The following NINL variants were observed in gnomAD, a reference collection of about 807,000 sequenced individuals.
NINL encodes the protein ninein-like protein.
A neutral mutation model predicts 160.3 loss-of-function variants in NINL; 153 were observed. The observed-to-expected ratio is 0.95, with a 90% CI of 0.84 to 1.09. The LOEUF (loss-of-function observed/expected upper bound fraction) is 1.09, where lower values mean the gene tolerates loss of function less well. Ranked by LOEUF, NINL falls within the 50% of genes least tolerant of loss-of-function variation. The pLI, the probability that NINL is intolerant of heterozygous loss-of-function variation, is 0.00. For synonymous variants in NINL, 800 were observed against 734.8 expected (o/e 1.09, Z -1.43); for missense variants, 1,829 against 1,764.0 (o/e 1.04, Z -0.66).
intron 23 of NINL, among the ~76,000 whole-genome samples, chr20:25,455,308 G>A (rs2090640009): frequency 6.6e-6 from 1 of 152,174 alleles, no homozygotes; most frequent in Non-Finnish European, 1.5e-5. Context: ...GGTCATGTAT[G>A]CTCTATGGAA....
At chr20:25,580,836 C>G (rs916846720) in intron 1 of NINL, among the ~76,000 whole-genome samples, 6 of 152,196 alleles carry the variant, frequency 3.9e-5, no homozygotes, top group Admixed American at 2.0e-4. Context: ...TGTGAGTAAC[C>G]AAATGTCTTG....
intron 1 of NINL, among the ~76,000 whole-genome samples, chr20:25,549,590 G>A (rs1899532843): frequency 6.6e-6 from 1 of 152,370 alleles, no homozygotes; most frequent in South Asian, 2.1e-4. Context: ...AAAAGGCAAT[G>A]TGAGTTTTTA....
At chr20:25,477,728 G>A (rs1473533712) in intron 16 of NINL, among the ~76,000 whole-genome samples, 1 of 152,186 alleles carries the variant, frequency 6.6e-6, no homozygotes, top group African/African-American at 2.4e-5. Context: ...CAGCTCCCCA[G>A]GAGCAGGCTG....
intron 8 of NINL, chr20:25,498,968 G>A (rs555750070): frequency 1.0e-6 from 1 of 985,488 alleles, no homozygotes; most frequent in East Asian, 1.1e-4. Flanking sequence ...TCAGCTCAAG[G>A]GAGCGGCAGC....
At chr20:25,472,931 C>T (rs1402560578) in intron 17 of NINL, among the ~76,000 whole-genome samples, 1 of 152,220 alleles carries the variant, frequency 6.6e-6, no homozygotes, top group African/African-American at 2.4e-5. Flanking sequence ...ACGTTCAGTG[C>T]AGTTCCATTT....
rs1353362306 is a variant in NINL at position 25,538,116 on chromosome 20, C to T, written c.-11-11518G>A. On this transcript the variant is annotated intron_variant, in intron 1 of 23. Transcript: ENST00000278886. ...CCCCTGGCCCATCCCAACCCCGCAA[C>T]GCCACTGGAAGATGAACATGTGTCA... Among the ~76,000 whole-genome samples, 9 of 152,274 alleles carry T rather than the reference C, an allele frequency of 5.9e-5. 1 individual carries two copies. The highest frequency in any genetic ancestry group is 4.1e-4 in the South Asian group (2 of 4,824).
rs751424137 is a variant in NINL, at chr20:25,458,440, C to T, written c.3786G>A (p.Leu1262=). 4.7e-5 allele frequency: 76 copies of T among 1,605,964 alleles called. No individual in the cohort carries two copies. Among genetic ancestry groups the T allele is most frequent in the Non-Finnish European group, 4.8e-5 (57 of 1,179,976 alleles). ...CTCCCTGAAGGCTGAGCAGGCGATG[C>T]AGCTCGGCCACACGGTCCTGGGGCA... is the stretch of plus-strand genomic sequence containing the variant. ...RLVPQDRVAE[L]HRLLSLQGEQ... is the part of the protein sequence containing the mutation. The change falls in exon 22 of 24, where the codon CTG becomes CTA. Residue 1262 remains leucine, a synonymous_variant. Transcript: ENST00000278886.
chr20:25,498,183 G>A (rs776167990), intron 9 of NINL, 27 bp downstream of exon 9: 12 of 1,610,000 alleles, frequency 7.5e-6, no homozygotes, highest in East Asian at 2.2e-5. Context: ...ACACTGCCAC[G>A]TTCCCCAGTC....
intron 1 of NINL, among the ~76,000 whole-genome samples, chr20:25,541,151 C>T (rs1301451532): frequency 2.0e-5 from 3 of 152,216 alleles, no homozygotes; most frequent in African/African-American, 7.2e-5. Flanking sequence ...CTATCAACGC[C>T]AGACTCTGCT....
intron 17 of NINL, among the ~76,000 whole-genome samples, 184 bp from the exon 18 acceptor site, chr20:25,470,279 A>G (rs2063064418): frequency 6.6e-6 from 1 of 152,198 alleles, no homozygotes; most frequent in African/African-American, 2.4e-5. Context: ...ATCTCCCATG[A>G]GCCAAGCCAC....
chr20:25,479,748 T>A (rs2063347459), intron 15 of NINL, among the ~76,000 whole-genome samples: 2 of 152,176 alleles, frequency 1.3e-5, no homozygotes, highest in African/African-American at 2.4e-5. Flanking sequence ...GCTAAGTTCA[T>A]CCTGACAGTT....
chr20:25,533,360 C>T (rs1489905356), intron 1 of NINL, among the ~76,000 whole-genome samples: 5 of 152,096 alleles, frequency 3.3e-5, no homozygotes, highest in African/African-American at 1.2e-4. Context: ...AGCCAGGAAA[C>T]AAAACAGACT....
chr20:25,532,187 T>C (rs947407643), intron 1 of NINL, among the ~76,000 whole-genome samples: 6 of 152,182 alleles, frequency 3.9e-5, no homozygotes, highest in African/African-American at 1.4e-4. Flanking sequence ...TCCCTGCCAC[T>C]CACAGCAGCT....
intron 16 of NINL, among the ~76,000 whole-genome samples, chr20:25,477,554 GC>G (rs1248261417): frequency 6.6e-6 from 1 of 152,244 alleles, no homozygotes; most frequent in East Asian, 1.9e-4. Context: ...ACCTCTGGTG[GC>G]CCGCAGGAGA....
intron 10 of NINL, among the ~76,000 whole-genome samples, chr20:25,494,914 G>T (rs145138268): frequency 6.6e-6 from 1 of 152,206 alleles, no homozygotes; most frequent in South Asian, 2.1e-4. Flanking sequence ...CAGAAACAGT[G>T]TAAGGCCAGG....
At chr20:25,486,076 C>A (rs1286188708) in intron 13 of NINL, among the ~76,000 whole-genome samples, 3 of 152,176 alleles carry the variant, frequency 2.0e-5, no homozygotes, top group African/African-American at 7.2e-5. Flanking sequence ...AGCCAGTGAG[C>A]AGGTATGCTA....
chr20:25,474,349 C>T (rs538948700), intron 17 of NINL, among the ~76,000 whole-genome samples: 1 of 152,358 alleles, frequency 6.6e-6, no homozygotes, highest in Admixed American at 6.5e-5. Flanking sequence ...AAAACTAAAA[C>T]ATCGCACTTT....
intron 17 of NINL, among the ~76,000 whole-genome samples, chr20:25,470,584 C>T (rs889837950): frequency 3.3e-5 from 5 of 152,202 alleles, no homozygotes; most frequent in African/African-American, 1.2e-4. Context: ...CAGGGATAGA[C>T]AGCCACTATG....
chr20:25,486,348 G>C (rs2063504114), intron 13 of NINL, among the ~76,000 whole-genome samples: 1 of 152,148 alleles, frequency 6.6e-6, no homozygotes, highest in African/African-American at 2.4e-5. Context: ...AAGAACCCCA[G>C]ATGAAAAGAA....
Sources: allele counts gnomAD v4.1 joint callset (sites outside exome capture counted in the v4.1 genomes callset), GRCh38; gene constraint gnomAD v4.1.1; transcripts MANE v1.5; gene names NCBI Gene and HGNC (gene_info 2026-07-23, HGNC 2026-07-21).